Variants in NAA16 observed in about 807,000 individuals in gnomAD.
NAA16 encodes the protein NARG1-like protein.
In NAA16, 97 loss-of-function variants were observed where a neutral mutation model predicts 110.3. The observed-to-expected ratio is 0.88, with a 90% confidence interval of 0.75 to 1.04. The LOEUF is 1.04. NAA16 is among the 50% of genes least tolerant of loss of function. NAA16 has a pLI of 0.00. For missense variants in NAA16, 1,017 were observed against 1,005.1 expected, an observed-to-expected ratio of 1.01 and a Z score of -0.16; for synonymous variants, 372 against 330.6, an observed-to-expected ratio of 1.13 and a Z score of -1.36.
chr13:41,314,549 G>A (rs1312567049), intron 1 of NAA16, among the ~76,000 whole-genome samples: 1 of 150,536 alleles, frequency 6.6e-6, no homozygotes, highest in Non-Finnish European at 1.5e-5. Flanking sequence ...TTTCCATGAA[G>A]ACTTTTCTAA....
At chr13:41,311,717 C>A (rs1369342704) in intron 1 of NAA16, 135 bp downstream of exon 1, 2 of 772,200 alleles carry the variant, frequency 2.6e-6, no homozygotes, top group East Asian at 6.1e-5. Flanking sequence ...CCTCGGAGGT[C>A]GCGGGACCCC....
chr13:41,336,769 A>G lies in NAA16; in HGVS notation c.1014+13A>G, dbSNP rs775404819. ...CAATACAGAAAAGGTAAAATTTGGTATTTATTCAGATTTGCTATAGTCTTT... is the reference window on the plus strand; with the variant it reads ...CAATACAGAAAAGGTAAAATTTGGTGTTTATTCAGATTTGCTATAGTCTTT... On this transcript the variant is annotated intron_variant, in intron 9 of 19. Transcript: ENST00000379406. The G allele has an allele frequency of 6.3e-6, 9 of 1,435,206 alleles. No individual in the cohort carries two copies. The highest frequency in any genetic ancestry group is 3.7e-5 in the Admixed American group (2 of 54,012). The allele number at this position is 1,435,206 out of a possible 1,614,324, so 88.9% of individuals were successfully genotyped here. A position where few individuals can be genotyped will look rare whatever the true frequency, so the allele number is the denominator to read the frequency against.
At chr13:41,335,571 T>G (rs1370217303) in intron 8 of NAA16, among the ~76,000 whole-genome samples, 1 of 152,210 alleles carries the variant, frequency 6.6e-6, no homozygotes. Flanking sequence ...AAGTTTTATG[T>G]TGTCTTCGTA....
intron 5 of NAA16, among the ~76,000 whole-genome samples, chr13:41,324,334 A>G (rs1251295977): frequency 7.0e-6 from 1 of 143,154 alleles, no homozygotes; most frequent in Non-Finnish European, 1.5e-5. Context: ...TTTGATGGTT[A>G]GATTTAGGTG....
At chr13:41,361,610 TG>T (rs1328553267) in intron 12 of NAA16, among the ~76,000 whole-genome samples, 4 of 152,232 alleles carry the variant, frequency 2.6e-5, no homozygotes, top group African/African-American at 9.6e-5. Context: ...GTTATGTATA[TG>T]TGGGTTTTCC....
At chr13:41,328,123 AC>A (rs2139404102) in intron 6 of NAA16, 1 of 152,102 alleles carries the variant, frequency 6.6e-6, no homozygotes, top group African/African-American at 2.4e-5. Context: ...GAGGTCTGGG[AC>A]CTCATTTTCC....
In NAA16 at chr13:41,337,563, C is replaced by T. The variant is rs796894528; in HGVS notation, c.1014+807C>T. 2.4e-3 allele frequency among the ~76,000 whole-genome samples: 356 copies of T among 146,734 alleles called. 1 individual carries two copies. The highest frequency in any genetic ancestry group is 8.6e-3 in the African/African-American group (344 of 39,804). ...GTCTCAAAAAAAAAAAAAAAAATTT[C>T]GAAAATAGGCACTTAAATCTTGGTC... is the stretch of plus-strand genomic sequence containing the variant. On this transcript the variant is annotated intron_variant, in intron 9 of 19. Coordinates refer to ENST00000379406, the MANE Select transcript of NAA16 (RefSeq NM_024561.5).
At chr13:41,323,303 C>T (rs2041994886) in intron 5 of NAA16, 113 bp downstream of exon 5, 1 of 1,020,324 alleles carries the variant, frequency 9.8e-7, no homozygotes, top group Non-Finnish European at 1.5e-6. Flanking sequence ...AACGGGAAAA[C>T]TTTTTGACGT....
intron 9 of NAA16, among the ~76,000 whole-genome samples, chr13:41,346,830 A>G (rs913465625): frequency 6.6e-6 from 1 of 152,184 alleles, no homozygotes; most frequent in Admixed American, 6.5e-5. Context: ...AGGTTCTTTA[A>G]CATGTTAAAC....
chr13:41,347,303 T>A (rs982104024), intron 9 of NAA16, among the ~76,000 whole-genome samples: 1 of 152,072 alleles, frequency 6.6e-6, no homozygotes, highest in African/African-American at 2.4e-5. Flanking sequence ...TTTTTTATTA[T>A]GTTTGTTTTT....
At chr13:41,374,920 G>T (rs1411086637) in intron 19 of NAA16, 81 bp downstream of exon 19, 2 of 810,572 alleles carry the variant, frequency 2.5e-6, no homozygotes, top group Admixed American at 4.8e-5. Context: ...TCTTGAGTAG[G>T]CCTTCAGAAT....
chr13:41,373,889 G>T, intron 18 of NAA16, 109 bp downstream of exon 18: 1 of 1,392,540 alleles, frequency 7.2e-7, no homozygotes, highest in Non-Finnish European at 9.3e-7. Context: ...GTGTAAGTAT[G>T]GGGAGAGAAA....
intron 18 of NAA16, chr13:41,374,012 T>C (rs1033560279): frequency 2.1e-6 from 1 of 479,774 alleles, no homozygotes; most frequent in East Asian, 5.5e-5. Context: ...AACGGGCAAA[T>C]ACTTTTATAA....
intron 9 of NAA16, among the ~76,000 whole-genome samples, chr13:41,352,705 A>G (rs1176609524): frequency 6.6e-6 from 1 of 152,160 alleles, no homozygotes; most frequent in Non-Finnish European, 1.5e-5. Flanking sequence ...AAGTATGCCT[A>G]ATGAACCGCA....
At chr13:41,374,094 C>T (rs886469626) in intron 18 of NAA16, among the ~76,000 whole-genome samples, 4 of 150,392 alleles carry the variant, frequency 2.7e-5, no homozygotes, top group Non-Finnish European at 5.9e-5. Flanking sequence ...GAAGTGTCTA[C>T]GAAAGCTTTA....
chr13:41,347,207 T>A (rs2042705185), intron 9 of NAA16, among the ~76,000 whole-genome samples: 1 of 111,840 alleles, frequency 8.9e-6, no homozygotes, highest in African/African-American at 3.5e-5. Flanking sequence ...AGAGCGAGAC[T>A]CCGTCTCAAA....
chr13:41,337,709 C>T (rs1185903433), intron 9 of NAA16, among the ~76,000 whole-genome samples: 1 of 151,992 alleles, frequency 6.6e-6, no homozygotes, highest in Non-Finnish European at 1.5e-5. Flanking sequence ...TTTAAAGTTA[C>T]TACTGGATAA....
intron 10 of NAA16, among the ~76,000 whole-genome samples, 190 bp downstream of exon 10, chr13:41,355,406 A>G (rs1023473613): frequency 6.6e-6 from 1 of 152,120 alleles, no homozygotes; most frequent in Non-Finnish European, 1.5e-5. Flanking sequence ...ATGAGATGGG[A>G]GTTAACCTTG....
At chr13:41,336,262 A>G (rs1016872462) in intron 8 of NAA16, among the ~76,000 whole-genome samples, 1 of 152,016 alleles carries the variant, frequency 6.6e-6, no homozygotes, top group Non-Finnish European at 1.5e-5. Context: ...TTATTGTGGA[A>G]TGAATGAATG....
Sources: gnomAD v4.1 joint callset for allele counts (sites outside exome capture counted in the v4.1 genomes callset) on GRCh38, gnomAD v4.1.1 for gene constraint, MANE v1.5 for transcripts, NCBI Gene and HGNC (gene_info 2026-07-23, HGNC 2026-07-21) for gene names.